The following FOCAD variants were observed in gnomAD, a reference collection of about 807,000 sequenced individuals.
The protein encoded by FOCAD is focadhesin.
In FOCAD, 198 loss-of-function variants were observed where a neutral mutation model predicts 225.6. The ratio of observed to expected loss-of-function variants is 0.88; its 90% CI spans 0.78 to 0.99. The LOEUF (loss-of-function observed/expected upper bound fraction) is 0.99. Among genes scored for constraint, FOCAD ranks in the 50% least tolerant of loss-of-function variants. FOCAD has a pLI of 0.00. For missense variants in FOCAD, 2,713 were observed against 2,123.6 expected (o/e 1.28, Z -5.46); for synonymous variants, 897 against 755.0 (o/e 1.19, Z -3.08).
At chr9:20,745,477 T>A (rs1827973071) in intron 5 of FOCAD, among the ~76,000 whole-genome samples, 1 of 152,208 alleles carries the variant, frequency 6.6e-6, no homozygotes, top group Non-Finnish European at 1.5e-5. Context: ...GAAGAATAAA[T>A]AAATTTTCAT....
At chr9:20,684,461 C>A (rs1401585343) in intron 1 of FOCAD, 168 bp downstream of exon 1, 1 of 152,912 alleles carries the variant, frequency 6.5e-6, no homozygotes, top group Non-Finnish European at 1.5e-5. Context: ...AGGGCCGCGT[C>A]GCGGCGAGGG....
At chr9:20,916,634 C>T (rs575648676) in intron 23 of FOCAD, among the ~76,000 whole-genome samples, 1 of 152,328 alleles carries the variant, frequency 6.6e-6, no homozygotes, top group South Asian at 2.1e-4. Context: ...AATACTGTTA[C>T]AGTGCTATCT....
chr9:20,886,424 G>A (rs1831108058), intron 21 of FOCAD, among the ~76,000 whole-genome samples: 1 of 152,114 alleles, frequency 6.6e-6, no homozygotes, highest in Non-Finnish European at 1.5e-5. Context: ...ATATTTGAAG[G>A]AAAACTGAAG....
intron 1 of FOCAD, among the ~76,000 whole-genome samples, chr9:20,699,753 AAAAAAAAAAAAAAAAAAAAAATAT>A (rs1182210747): frequency 7.3e-5 from 4 of 54,848 alleles, no homozygotes; most frequent in South Asian, 1.4e-3. Flanking sequence ...AAAAAAAAAA[AAAAAAAAAAAAAAAAAAAAAATAT>A]ATATATATAT....
Position 20,764,691 on chromosome 9 carries a change from G to T in FOCAD, c.495-178G>T, listed in dbSNP as rs369214682. Among the ~76,000 whole-genome samples, 4 of 152,304 alleles carry T rather than the reference G, an allele frequency of 2.6e-5. No individual in the cohort carries two copies. The South Asian group carries it at 8.3e-4, about 32-fold the overall frequency. Reference sequence around the variant, plus strand: ...TGAATAATTTTCCTCAGTGTACAAAGAACTGTTTGGCATAGATGTAGGCAG... The same window carrying T: ...TGAATAATTTTCCTCAGTGTACAAATAACTGTTTGGCATAGATGTAGGCAG... On this transcript the variant is annotated intron_variant, in intron 6 of 43. Transcript: ENST00000338382.
intron 35 of FOCAD, among the ~76,000 whole-genome samples, chr9:20,958,204 G>A (rs1388181185): frequency 1.3e-5 from 2 of 151,980 alleles, no homozygotes; most frequent in African/African-American, 2.4e-5. Context: ...ACAATATAAA[G>A]AATAAATTCC....
At chr9:20,913,041 A>G in intron 23 of FOCAD, 87 bp downstream of exon 23, 1 of 1,099,250 alleles carries the variant, frequency 9.1e-7, no homozygotes, top group South Asian at 1.4e-5. Flanking sequence ...CTTTAAGATT[A>G]GCAGGTTTAA....
intron 20 of FOCAD, 91 bp downstream of exon 20, chr9:20,882,147 G>A: frequency 1.8e-6 from 2 of 1,111,086 alleles, no homozygotes; most frequent in South Asian, 3.1e-5. Context: ...CCATGGCAGG[G>A]TGTTGCTGCT....
At position 20,976,386 on chromosome 9, in the gene FOCAD, G is replaced by T. The variant is rs200857752; in HGVS notation, c.4133-34G>T. On this transcript the variant is annotated intron_variant, in intron 35 of 43. Transcript: ENST00000338382. ...TTTCCACTTCCATGATAGTATGCAG[G>T]TGTTTTACTATTATTTTTCACTGTC... 2.8e-4 allele frequency: 443 copies of T among 1,602,028 alleles called. 1 individual carries two copies. The highest frequency in any genetic ancestry group is 3.0e-4 in the Non-Finnish European group (353 of 1,170,716).
At chr9:20,946,416 A>C (rs1387066029) in intron 29 of FOCAD, among the ~76,000 whole-genome samples, 1 of 152,216 alleles carries the variant, frequency 6.6e-6, no homozygotes, top group Non-Finnish European at 1.5e-5. Flanking sequence ...TACTATTATG[A>C]GTCTAAAGAC....
intron 30 of FOCAD, among the ~76,000 whole-genome samples, 177 bp downstream of exon 30, chr9:20,946,997 C>G (rs1351551307): frequency 6.6e-6 from 1 of 152,160 alleles, no homozygotes; most frequent in African/African-American, 2.4e-5. Context: ...GTCTTTTTCT[C>G]TCCTTATCCC....
At chr9:20,717,663 A>G in intron 2 of FOCAD, 131 bp from the exon 3 acceptor site, 1 of 662,982 alleles carries the variant, frequency 1.5e-6, no homozygotes, top group Non-Finnish European at 2.6e-6. Context: ...TGCCTTCTAC[A>G]TAGCACACAC....
chr9:20,734,253 G>T (rs1038215545), intron 4 of FOCAD, among the ~76,000 whole-genome samples: 4 of 152,106 alleles, frequency 2.6e-5, no homozygotes, highest in South Asian at 4.1e-4. Flanking sequence ...AGTCTTAAAG[G>T]TTCCTTCAAA....
chr9:20,845,891 T>C (rs1054267708), intron 15 of FOCAD, among the ~76,000 whole-genome samples: 1 of 152,178 alleles, frequency 6.6e-6, no homozygotes, highest in Non-Finnish European at 1.5e-5. Flanking sequence ...ATAAGCATTA[T>C]TGATGATTTG....
intron 1 of FOCAD, among the ~76,000 whole-genome samples, chr9:20,694,000 C>T (rs1373266772): frequency 3.3e-5 from 5 of 152,204 alleles, no homozygotes; most frequent in Non-Finnish European, 7.3e-5. Flanking sequence ...TGTGAGCCAC[C>T]GTGCCCAGCT....
At chr9:20,729,974 A>T (rs1251122834) in intron 4 of FOCAD, among the ~76,000 whole-genome samples, 1 of 152,206 alleles carries the variant, frequency 6.6e-6, no homozygotes, top group African/African-American at 2.4e-5. Flanking sequence ...AACAGCAATA[A>T]TAATAGAAAC....
At chr9:20,809,625 C>T (rs1167841966) in intron 11 of FOCAD, among the ~76,000 whole-genome samples, 1 of 152,004 alleles carries the variant, frequency 6.6e-6, no homozygotes, top group East Asian at 1.9e-4. Flanking sequence ...GTTCTTTTGT[C>T]TTACTTTTTG....
chr9:20,797,259 C>CA (rs1303073335), intron 11 of FOCAD, among the ~76,000 whole-genome samples: 1 of 152,146 alleles, frequency 6.6e-6, no homozygotes, highest in African/African-American at 2.4e-5. Flanking sequence ...ATGATGCCTC[C>CA]AGCTTTGTTG....
At chr9:20,696,004 G>T (rs1466751610) in intron 1 of FOCAD, among the ~76,000 whole-genome samples, 1 of 152,188 alleles carries the variant, frequency 6.6e-6, no homozygotes, top group African/African-American at 2.4e-5. Flanking sequence ...AAAGTAAATT[G>T]AGCTTCCAAG....
Sources: gnomAD v4.1 joint callset for allele counts (sites outside exome capture counted in the v4.1 genomes callset) on GRCh38, gnomAD v4.1.1 for gene constraint, MANE v1.5 for transcripts, NCBI Gene and HGNC (gene_info 2026-07-23, HGNC 2026-07-21) for gene names.